The following MYT1L variants were observed in gnomAD, a reference collection of about 807,000 sequenced individuals.
MYT1L encodes the protein myelin transcription factor 1 like, also known as myelin transcription factor 1-like protein.
A neutral mutation model predicts 126.7 loss-of-function variants in MYT1L; 12 were observed. That is an observed-to-expected ratio of 0.09 (90% CI 0.06 to 0.15). The LOEUF (loss-of-function observed/expected upper bound fraction) is 0.15, where lower values mean the gene tolerates loss of function less well. Among genes scored for constraint, MYT1L ranks in the 10% least tolerant of loss-of-function variants. The pLI, the probability that MYT1L is intolerant of heterozygous loss-of-function variation, is 1.00. For missense variants in MYT1L, 979 were observed against 1,585.2 expected, an observed-to-expected ratio of 0.62 and a Z score of 6.49; for synonymous variants, 541 against 604.2, an observed-to-expected ratio of 0.90 and a Z score of 1.53.
intron 3 of MYT1L, among the ~76,000 whole-genome samples, chr2:2,158,974 C>T (rs557839523): frequency 1.6e-4 from 24 of 152,288 alleles, no homozygotes; most frequent in Admixed American, 7.2e-4. Context: ...GTCTCAGGAT[C>T]GGTGTTACAG....
At chr2:1,792,596 G>A (rs1323759094) in intron 23 of MYT1L, 132 bp from the exon 24 acceptor site, 5 of 1,001,452 alleles carry the variant, frequency 5.0e-6, no homozygotes, top group Non-Finnish European at 4.2e-6. Flanking sequence ...CGGGCCGGGC[G>A]CCGTGGCTCA....
intron 2 of MYT1L, among the ~76,000 whole-genome samples, chr2:2,194,605 T>C: frequency 6.6e-6 from 1 of 152,112 alleles, no homozygotes; most frequent in East Asian, 1.9e-4. Flanking sequence ...TCCTGCTCCT[T>C]TTTTCAGAAG....
Position 2,197,565 on chromosome 2 carries a change from A to T in MYT1L, c.-420-24577T>A, listed in dbSNP as rs2092860059. Among the ~76,000 whole-genome samples, 3 of 152,096 alleles carry T rather than the reference A, an allele frequency of 2.0e-5. No homozygotes were observed. In the South Asian group the frequency reaches 6.2e-4, roughly 32 times the overall value. On this transcript the variant is annotated intron_variant, in intron 2 of 24. Coordinates refer to ENST00000647738, the MANE Select transcript of MYT1L (RefSeq NM_001303052.2). ...CCCATATATACATACATACATGCAC[A>T]CACACATGCACACAACGAAGGTGCA...
chr2:2,292,278 G>C (rs1385805611), intron 1 of MYT1L, among the ~76,000 whole-genome samples: 1 of 152,192 alleles, frequency 6.6e-6, no homozygotes, highest in Non-Finnish European at 1.5e-5. Context: ...AGCTGAGTCG[G>C]TGCCGCTCAG....
At chr2:2,021,486 G>C (rs2065025092) in intron 4 of MYT1L, among the ~76,000 whole-genome samples, 1 of 152,186 alleles carries the variant, frequency 6.6e-6, no homozygotes. Flanking sequence ...TGAGGAGTGA[G>C]GGTCGATTGG....
chr2:2,193,460 G>T (rs1461307225), intron 2 of MYT1L, among the ~76,000 whole-genome samples: 1 of 152,266 alleles, frequency 6.6e-6, no homozygotes, highest in East Asian at 1.9e-4. Flanking sequence ...GGCTGCACAC[G>T]GTCAGTTGTC....
At chr2:2,308,932 C>G (rs1359090498) in intron 1 of MYT1L, among the ~76,000 whole-genome samples, 1 of 151,808 alleles carries the variant, frequency 6.6e-6, no homozygotes, top group Non-Finnish European at 1.5e-5. Context: ...CCCACCTATA[C>G]TTCAGTACAT....
intron 3 of MYT1L, among the ~76,000 whole-genome samples, chr2:2,146,291 G>A (rs2148241656): frequency 6.6e-6 from 1 of 152,346 alleles, no homozygotes; most frequent in Middle Eastern, 3.4e-3. Context: ...TAACTGTTCT[G>A]TCATGGAGAC....
chr2:1,876,378 G>A (rs756856795), intron 18 of MYT1L, among the ~76,000 whole-genome samples: 2 of 151,980 alleles, frequency 1.3e-5, no homozygotes, highest in Non-Finnish European at 2.9e-5. Flanking sequence ...CGTGCCATCC[G>A]TGCCCAGGAC....
At chr2:2,122,678 G>GT (rs1352454631) in intron 3 of MYT1L, among the ~76,000 whole-genome samples, 2 of 152,198 alleles carry the variant, frequency 1.3e-5, no homozygotes, top group African/African-American at 4.8e-5. Flanking sequence ...TTACCAATGT[G>GT]TAAGAGTTTA....
intron 2 of MYT1L, among the ~76,000 whole-genome samples, chr2:2,275,182 C>T (rs969369798): frequency 8.2e-5 from 12 of 146,152 alleles, no homozygotes; most frequent in Non-Finnish European, 1.8e-4. Context: ...AAAGAAATTT[C>T]AAGAAAATAT....
At chr2:1,888,870 ACTAT>A (rs1480071883) in intron 16 of MYT1L, among the ~76,000 whole-genome samples, 1 of 152,192 alleles carries the variant, frequency 6.6e-6, no homozygotes, top group East Asian at 1.9e-4. Flanking sequence ...TAACCATTTA[ACTAT>A]CTAAGACTCC....
At chr2:2,116,450 C>T (rs1472547614) in intron 3 of MYT1L, among the ~76,000 whole-genome samples, 2 of 152,202 alleles carry the variant, frequency 1.3e-5, no homozygotes, top group Non-Finnish European at 2.9e-5. Context: ...GGCTAGCAAA[C>T]CTTGGAATCA....
chr2:2,301,175 G>A lies in MYT1L; in HGVS notation c.-520-16672C>T, dbSNP rs371434403. Among the ~76,000 whole-genome samples, 16 of 151,994 alleles carry A rather than the reference G, an allele frequency of 1.1e-4. No individual in the cohort carries two copies. In the East Asian group the frequency reaches 1.9e-3, roughly 18 times the overall value. On this transcript the variant is annotated intron_variant, in intron 1 of 24. Transcript: ENST00000647738. ...GTGCCAGCCTTGCACTTTTCTCTTCGCCCTTGTGCAGCTCAGTGTTTCACC... is the reference window on the plus strand; with the variant it reads ...GTGCCAGCCTTGCACTTTTCTCTTCACCCTTGTGCAGCTCAGTGTTTCACC...
At chr2:2,114,545 TTAGA>T (rs1454656695) in intron 3 of MYT1L, among the ~76,000 whole-genome samples, 3 of 152,234 alleles carry the variant, frequency 2.0e-5, no homozygotes, top group Non-Finnish European at 2.9e-5. Context: ...CACTTTGTAA[TTAGA>T]TAGTTATTGA....
intron 21 of MYT1L, among the ~76,000 whole-genome samples, chr2:1,813,080 C>G (rs1454493814): frequency 6.6e-6 from 1 of 152,118 alleles, no homozygotes; most frequent in East Asian, 1.9e-4. Context: ...CCATCTTTCC[C>G]CCGCTGAACC....
At chr2:2,027,815 TGTGGC>T (rs11278487) in intron 4 of MYT1L, among the ~76,000 whole-genome samples, 49,362 of 151,776 alleles carry the variant, frequency 0.33, 8,374 homozygotes, top group African/African-American at 0.45. Context: ...CCTGGCTTGA[TGTGGC>T]GTGGCCCAAT....
At chr2:2,003,552 C>T (rs890544682) in intron 4 of MYT1L, among the ~76,000 whole-genome samples, 3 of 152,226 alleles carry the variant, frequency 2.0e-5, no homozygotes, top group African/African-American at 7.2e-5. Context: ...GCTGCTGCTT[C>T]CTCCGGCAGC....
chr2:1,856,063 C>T (rs1269192870), intron 18 of MYT1L, among the ~76,000 whole-genome samples: 5 of 151,984 alleles, frequency 3.3e-5, no homozygotes, highest in Non-Finnish European at 5.9e-5. Flanking sequence ...AGAATTCAGG[C>T]GAATTCTAAA....
Sources: gnomAD v4.1 joint callset for allele counts (sites outside exome capture counted in the v4.1 genomes callset) on GRCh38, gnomAD v4.1.1 for gene constraint, MANE v1.5 for transcripts, NCBI Gene and HGNC (gene_info 2026-07-23, HGNC 2026-07-21) for gene names.